Variants in PLA2G4A observed in about 807,000 individuals in gnomAD.
PLA2G4A encodes cytosolic phospholipase A2.
PLA2G4A carries 40 observed loss-of-function variants against 81.9 expected under a neutral mutation model. That is an observed-to-expected ratio of 0.49 (90% CI 0.38 to 0.64). The LOEUF (loss-of-function observed/expected upper bound fraction) is 0.64. Ranked by LOEUF, PLA2G4A falls within the 30% of genes least tolerant of loss-of-function variation. The probability of loss-of-function intolerance (pLI) is 0.00; values close to 1 mark genes in which losing one functional copy is unlikely to be tolerated. For missense variants in PLA2G4A, 715 were observed against 905.1 expected (o/e 0.79, Z 2.69); for synonymous variants, 302 against 296.9 (o/e 1.02, Z -0.18).
chr1:186,949,553 A>G (rs1289293383), intron 12 of PLA2G4A, among the ~76,000 whole-genome samples: 2 of 152,274 alleles, frequency 1.3e-5, no homozygotes, highest in Non-Finnish European at 2.9e-5. Context: ...CAAAATTACT[A>G]TTGATGATAG....
At chr1:186,961,926 G>T (rs962705320) in intron 14 of PLA2G4A, among the ~76,000 whole-genome samples, 1 of 152,074 alleles carries the variant, frequency 6.6e-6, no homozygotes, top group Admixed American at 6.6e-5. Context: ...AAAAATTCCA[G>T]AAATAAATAA....
At chr1:186,865,658 C>T (rs1029368382) in intron 2 of PLA2G4A, among the ~76,000 whole-genome samples, 1 of 152,222 alleles carries the variant, frequency 6.6e-6, no homozygotes, top group Admixed American at 6.5e-5. Context: ...ACAATATTTG[C>T]ATTCAGAATC....
chr1:186,951,560 A>G (rs1253965926), intron 13 of PLA2G4A, among the ~76,000 whole-genome samples: 1 of 152,162 alleles, frequency 6.6e-6, no homozygotes, highest in Non-Finnish European at 1.5e-5. Context: ...TTTGAATATG[A>G]TCATCTAGAT....
intron 2 of PLA2G4A, among the ~76,000 whole-genome samples, chr1:186,864,364 GA>G (rs1285355278): frequency 1.3e-5 from 2 of 151,734 alleles, no homozygotes; most frequent in African/African-American, 4.8e-5. Context: ...TAATTTTTTT[GA>G]AAAACCTCCA....
intron 13 of PLA2G4A, among the ~76,000 whole-genome samples, chr1:186,954,136 G>A (rs1039950815): frequency 4.6e-5 from 7 of 152,130 alleles, no homozygotes; most frequent in African/African-American, 1.7e-4. Context: ...AAAGACACAT[G>A]CACATGTATG....
chr1:186,978,187 C>A (rs953387493), intron 16 of PLA2G4A, among the ~76,000 whole-genome samples: 3 of 152,296 alleles, frequency 2.0e-5, no homozygotes, highest in South Asian at 4.1e-4. Context: ...TCTAGCAGTA[C>A]ACAATGGCTA....
intron 3 of PLA2G4A, among the ~76,000 whole-genome samples, chr1:186,887,458 C>T (rs1001092000): frequency 6.6e-6 from 1 of 152,128 alleles, no homozygotes; most frequent in Non-Finnish European, 1.5e-5. Context: ...GAAGCTATTT[C>T]TGGTGCATGT....
Position 186,950,253 on chromosome 1 carries a change from T to C in PLA2G4A, c.1265-404T>C, listed in dbSNP as rs376222386. Among the ~76,000 whole-genome samples, 7 of 149,472 alleles carry C rather than the reference T, an allele frequency of 4.7e-5. No individual in the cohort carries two copies. The South Asian group carries it at 1.1e-3, about 23-fold the overall frequency. Reference sequence around the variant, plus strand: ...CTTTCATTCATTTTAAGAAAACTGTTTGGTAGCTCACCTGTAGATTTTGGT... The same window carrying C: ...CTTTCATTCATTTTAAGAAAACTGTCTGGTAGCTCACCTGTAGATTTTGGT... On this transcript the variant is annotated intron_variant, in intron 12 of 17. Transcript: ENST00000367466.
intron 2 of PLA2G4A, among the ~76,000 whole-genome samples, chr1:186,859,874 G>A (rs1249394761): frequency 6.6e-6 from 1 of 152,038 alleles, no homozygotes; most frequent in Non-Finnish European, 1.5e-5. Flanking sequence ...GCTTCACAGA[G>A]CTTTTATAAA....
At chr1:186,926,118 G>A (rs979817114) in intron 7 of PLA2G4A, among the ~76,000 whole-genome samples, 5 of 152,164 alleles carry the variant, frequency 3.3e-5, no homozygotes, top group Non-Finnish European at 5.9e-5. Flanking sequence ...AATTTATGTA[G>A]GACACATTGG....
chr1:186,931,416 T>C (rs1368275972), intron 7 of PLA2G4A, among the ~76,000 whole-genome samples: 1 of 152,090 alleles, frequency 6.6e-6, no homozygotes, highest in Non-Finnish European at 1.5e-5. Context: ...CAGCTCTGGG[T>C]TAGGAATTTA....
intron 5 of PLA2G4A, among the ~76,000 whole-genome samples, chr1:186,896,767 A>G (rs190684839): frequency 7.9e-5 from 12 of 152,300 alleles, no homozygotes; most frequent in Admixed American, 5.9e-4. Flanking sequence ...ATAGTTGTCC[A>G]AGCAGGCTTT....
intron 13 of PLA2G4A, 57 bp from the exon 14 acceptor site, chr1:186,956,045 A>T (rs1449438062): frequency 3.2e-6 from 5 of 1,538,640 alleles, no homozygotes; most frequent in Non-Finnish European, 4.5e-6. Flanking sequence ...CAGCCCAAAG[A>T]TCCCTTTTTA....
chr1:186,862,577 C>T lies in PLA2G4A; in HGVS notation c.34-7858C>T, dbSNP rs540287918. 9.0e-4 allele frequency among the ~76,000 whole-genome samples: 137 copies of T among 152,124 alleles called. 1 individual carries two copies. Among genetic ancestry groups the T allele is most frequent in the African/African-American group, 2.9e-3 (119 of 41,506 alleles). The stretch of plus-strand genomic sequence containing the variant: ...GCAGGGAGGTTTTTAAGAAGTTCCT[C>T]AAAATAGGGATAAAATATCTAAAAT... On this transcript the variant is annotated intron_variant, in intron 2 of 17. Transcript: ENST00000367466.
intron 1 of PLA2G4A, among the ~76,000 whole-genome samples, chr1:186,848,825 A>G (rs886665171): frequency 6.6e-6 from 1 of 152,098 alleles, no homozygotes; most frequent in East Asian, 1.9e-4. Context: ...TATCTTAAGC[A>G]TATTTCTTGC....
intron 15 of PLA2G4A, among the ~76,000 whole-genome samples, chr1:186,972,364 T>G (rs12563152): frequency 0.17 from 26,345 of 151,970 alleles, 3,205 homozygotes; most frequent in African/African-American, 0.34. Context: ...AGACAATCAG[T>G]GAGATTGATT....
rs779242389 is a variant in PLA2G4A at position 186,893,123 on chromosome 1, A to G, written c.228A>G (p.Glu76=). The change falls in exon 4 of 18, where the codon GAA becomes GAG. Residue 76 remains glutamate (E), a synonymous_variant. Transcript: ENST00000367466. ...ACCCTGTGTGGAATGAGACCTTTGA[A>G]TTTATTTTGGATCCTAATCAGGAAA... ...DINPVWNETF[E]FILDPNQENV... The G allele has an allele frequency of 8.1e-6, 13 of 1,612,638 alleles. No individual in the cohort carries two copies. The highest frequency in any genetic ancestry group is 1.1e-5 in the Non-Finnish European group (13 of 1,178,784).
rs148141099 is a variant in PLA2G4A at position 186,934,440 on chromosome 1, G to GCACACACA, written c.695+1545_695+1546insCACACACA. On this transcript the variant is annotated intron_variant, in intron 8 of 17. Coordinates refer to ENST00000367466, the MANE Select transcript of PLA2G4A (RefSeq NM_024420.3). ...ATGTAATTAAAAGGATTTTAAATGT[G>GCACACACA]CACATATATATATATATATATATAC... Among the ~76,000 whole-genome samples, 104 of 70,998 alleles carry GCACACACA rather than the reference G, an allele frequency of 1.5e-3. 2 individuals are homozygous for GCACACACA. Among genetic ancestry groups the GCACACACA allele is most frequent in the African/African-American group, 2.9e-3 (96 of 32,794 alleles). The allele number at this position is 70,998 out of a possible 152,430, so 46.6% of individuals were successfully genotyped here.
At chr1:186,980,515 GAA>G (rs1281199017) in intron 17 of PLA2G4A, among the ~76,000 whole-genome samples, 2 of 152,024 alleles carry the variant, frequency 1.3e-5, no homozygotes, top group African/African-American at 4.8e-5. Context: ...TAGAAAAACA[GAA>G]AAAAAGAAAT....
Sources: gnomAD v4.1 joint callset for allele counts (sites outside exome capture counted in the v4.1 genomes callset) on GRCh38, gnomAD v4.1.1 for gene constraint, MANE v1.5 for transcripts, NCBI Gene and HGNC (gene_info 2026-07-23, HGNC 2026-07-21) for gene names.